The following BABAM1 variants were observed in gnomAD, a reference collection of about 807,000 sequenced individuals.
BABAM1 encodes the protein BRISC and BRCA1 A complex member 1.
BABAM1 carries 14 observed loss-of-function variants against 34.4 expected under a neutral mutation model. The observed-to-expected ratio is 0.41, with a 90% CI of 0.27 to 0.64. BABAM1 has a LOEUF of 0.64. Among genes scored for constraint, BABAM1 ranks in the 30% least tolerant of loss-of-function variants. The pLI is 0.34. For synonymous variants in BABAM1, 169 were observed against 165.8 expected (o/e 1.02, Z -0.15); for missense variants, 393 against 434.0 (o/e 0.91, Z 0.84).
intron 5 of BABAM1, 45 bp from the exon 6 acceptor site, chr19:17,275,756 C>T (rs1175727496): frequency 6.2e-6 from 10 of 1,612,976 alleles, no homozygotes; most frequent in Middle Eastern, 3.6e-4. Flanking sequence ...ACCTGTTTCC[C>T]GCTCACTCGT....
chr19:17,279,260 C>CT lies in BABAM1; in HGVS notation c.*213dup, dbSNP rs1488295814. ...TTCTGTGTCTCCCAGCCCATTTCCA[C>CT]TCCTAGTTTGTCATGGATAATTTTT... On this transcript the variant is annotated 3_prime_UTR_variant, in exon 9 of 9. Coordinates refer to ENST00000598188, the MANE Select transcript of BABAM1 (RefSeq NM_014173.4). 1 of 503,210 alleles carries CT rather than the reference C, an allele frequency of 2.0e-6. No homozygotes were observed. The highest frequency in any genetic ancestry group is 1.9e-5 in the African/African-American group (1 of 52,046). The allele number at this position is 503,210 out of a possible 1,614,324, so 31.2% of individuals were successfully genotyped here. A position where few individuals can be genotyped will look rare whatever the true frequency, so the allele number is the denominator to read the frequency against.
At chr19:17,272,405 T>G (rs959632444) in intron 3 of BABAM1, among the ~76,000 whole-genome samples, 3 of 149,548 alleles carry the variant, frequency 2.0e-5, no homozygotes, top group African/African-American at 7.4e-5. Context: ...ACCCTGTCCC[T>G]TTTTTTTGTT....
chr19:17,268,724 C>T (rs751178927), intron 1 of BABAM1, 70 bp from the exon 2 acceptor site: 65 of 1,445,682 alleles, frequency 4.5e-5, no homozygotes, highest in Non-Finnish European at 5.2e-5. Flanking sequence ...CCACCGTGCC[C>T]GACCGTAACC....
At chr19:17,273,788 C>T (rs191163070) in intron 3 of BABAM1, 116 bp from the exon 4 acceptor site, 1 of 1,346,112 alleles carries the variant, frequency 7.4e-7, no homozygotes, top group Admixed American at 2.6e-5. Flanking sequence ...TGGTGTTGAA[C>T]TCCTGACCTC....
chr19:17,270,112 T>C (rs1448810266), intron 2 of BABAM1, among the ~76,000 whole-genome samples: 1 of 152,048 alleles, frequency 6.6e-6, no homozygotes, highest in Non-Finnish European at 1.5e-5. Context: ...TTGTATTTTT[T>C]AGTAGAGACA....
At chr19:17,272,352 CTA>C (rs1459081468) in intron 3 of BABAM1, among the ~76,000 whole-genome samples, 1 of 152,010 alleles carries the variant, frequency 6.6e-6, no homozygotes, top group African/African-American at 2.4e-5. Context: ...CTGCAGTGAG[CTA>C]TGATTTTGCC....
intron 7 of BABAM1, 34 bp downstream of exon 7, chr19:17,276,658 C>T (rs1266902042): frequency 6.3e-7 from 1 of 1,583,370 alleles, no homozygotes. Flanking sequence ...GGGGTGCCTG[C>T]AGCCATGAGG....
chr19:17,274,336 T>C (rs2073882900), intron 5 of BABAM1, 151 bp downstream of exon 5: 4 of 979,744 alleles, frequency 4.1e-6, no homozygotes, highest in Non-Finnish European at 6.1e-6. Flanking sequence ...TGAGCCTCAG[T>C]TTCCCCATCT....
At chr19:17,275,695 G>T in intron 5 of BABAM1, 106 bp from the exon 6 acceptor site, 1 of 1,431,872 alleles carries the variant, frequency 7.0e-7, no homozygotes, top group South Asian at 1.2e-5. Flanking sequence ...GGGTCACATG[G>T]TGCGTCCCTA....
At chr19:17,270,152 C>G (rs545131475) in intron 2 of BABAM1, among the ~76,000 whole-genome samples, 1 of 152,026 alleles carries the variant, frequency 6.6e-6, no homozygotes, top group Non-Finnish European at 1.5e-5. Context: ...AGGATGGTCT[C>G]GATCTCTTGA....
intron 3 of BABAM1, among the ~76,000 whole-genome samples, chr19:17,272,445 G>T (rs943786822): frequency 6.6e-6 from 1 of 150,648 alleles, no homozygotes; most frequent in East Asian, 2.1e-4. Flanking sequence ...TCGCTCTGTC[G>T]CCCAATCTGG....
In BABAM1 at chr19:17,278,897, A is replaced by G. The variant is rs765909813; in HGVS notation, c.839A>G (p.Tyr280Cys). Reference sequence around the variant, plus strand: ...GATACCAAGGGTACCAGCTACAAGTATGAGGTGGCACTGGCTGGGCCAGCC... The same window carrying G: ...GATACCAAGGGTACCAGCTACAAGTGTGAGGTGGCACTGGCTGGGCCAGCC... ...SLDTKGTSYK[Y>C]EVALAGPALE... Residue 280 changes from tyrosine (Y) to cysteine (C), a missense_variant, in exon 9 of 9, where the codon TAT becomes TGT. By Grantham distance (194) the Tyr-to-Cys change is radical. Transcript: ENST00000598188. 4 of 1,613,680 alleles carry G rather than the reference A, an allele frequency of 2.5e-6. No individual in the cohort carries two copies. The Admixed American group carries it at 6.7e-5, about 27-fold the overall frequency.
intron 2 of BABAM1, among the ~76,000 whole-genome samples, chr19:17,270,891 C>T (rs1366612766): frequency 1.3e-5 from 2 of 151,792 alleles, no homozygotes; most frequent in East Asian, 3.9e-4. Context: ...CAGGTTTCAC[C>T]CTGTTAGCCA....
chr19:17,276,960 T>G, intron 8 of BABAM1, 51 bp downstream of exon 8: 2 of 1,498,666 alleles, frequency 1.3e-6, no homozygotes, highest in Non-Finnish European at 9.1e-7. Context: ...ACAGGATGTC[T>G]TGGAACACAC....
Position 17,276,499 on chromosome 19 carries a change from C to T in BABAM1, c.574C>T (p.Gln192Ter). ...NLEGLFSLIQ[Q>*]KTELPVTENV... is the part of the protein sequence containing the mutation. Reference sequence around the variant, plus strand: ...TCCCTCCTCCCGGGTATGCAGCCAGCAGAAAACTGAGCTTCCGGTCACAGA... The same window carrying T: ...TCCCTCCTCCCGGGTATGCAGCCAGTAGAAAACTGAGCTTCCGGTCACAGA... Residue 192 changes from glutamine to a stop codon, truncating the protein, a stop_gained, in exon 7 of 9, where the codon CAG (glutamine) becomes TAG (stop). Coordinates refer to ENST00000598188, the MANE Select transcript of BABAM1 (RefSeq NM_014173.4). LOFTEE classifies it high-confidence loss of function. 3 of 1,592,540 alleles carry T rather than the reference C, an allele frequency of 1.9e-6. No individual in the cohort carries two copies. The highest frequency in any genetic ancestry group is 2.6e-6 in the Non-Finnish European group (3 of 1,170,208).
At position 17,275,945 on chromosome 19, in the gene BABAM1, C is replaced by T. The variant is rs750938335; in HGVS notation, c.569+120C>T. The stretch of plus-strand genomic sequence containing the variant: ...CTTAAAGCCTCCTCCCTTCCTACCT[C>T]GCCCCGAGCAATTCCTCATTTATGT... On this transcript the variant is annotated intron_variant, in intron 6 of 8. Transcript: ENST00000598188. 24 of 1,143,398 alleles carry T rather than the reference C, an allele frequency of 2.1e-5. No individual in the cohort carries two copies. In the Admixed American group the frequency reaches 2.2e-4, roughly 11 times the overall value. 70.8% of individuals were successfully genotyped at this position (1,143,398 alleles called of 1,614,324 possible). A position where few individuals can be genotyped will look rare whatever the true frequency, so the allele number is the denominator to read the frequency against.
At chr19:17,271,696 A>T (rs10420922) in intron 3 of BABAM1, 41 bp downstream of exon 3, 701,907 of 1,601,852 alleles carry the variant, frequency 0.44, 157,795 homozygotes, top group African/African-American at 0.68. Context: ...CAGCCATGGC[A>T]GGGAGGGTCC....
chr19:17,275,119 G>A (rs1464752606), intron 5 of BABAM1, among the ~76,000 whole-genome samples: 1 of 151,912 alleles, frequency 6.6e-6, no homozygotes, highest in Non-Finnish European at 1.5e-5. Context: ...TGCCCAGGCT[G>A]GTCTTGAATT....
chr19:17,268,271 A>G (rs2073792112), intron 1 of BABAM1, among the ~76,000 whole-genome samples: 1 of 149,848 alleles, frequency 6.7e-6, no homozygotes, highest in Non-Finnish European at 1.5e-5. Context: ...AAAAAAGAGG[A>G]AAAAAGAGGG....
Sources: gnomAD v4.1 joint callset for allele counts (sites outside exome capture counted in the v4.1 genomes callset) on GRCh38, gnomAD v4.1.1 for gene constraint, MANE v1.5 for transcripts, NCBI Gene and HGNC (gene_info 2026-07-23, HGNC 2026-07-21) for gene names.